Variants in TPX2 observed in about 807,000 individuals in gnomAD.
TPX2 encodes targeting protein for Xklp2.
In TPX2, 21 loss-of-function variants were observed where a neutral mutation model predicts 93.6. That is an observed-to-expected ratio of 0.22 (90% CI 0.16 to 0.32). TPX2 has a LOEUF of 0.32. Among genes scored for constraint, TPX2 ranks in the 10% least tolerant of loss-of-function variants. The pLI is 1.00. For missense variants in TPX2, 776 were observed against 871.1 expected (o/e 0.89, Z 1.37); for synonymous variants, 281 against 298.3 (o/e 0.94, Z 0.60).
intron 7 of TPX2, among the ~76,000 whole-genome samples, chr20:31,774,214 A>C (rs991892194): frequency 3.3e-5 from 5 of 152,172 alleles, no homozygotes; most frequent in Admixed American, 1.3e-4. Context: ...GATATCCTCC[A>C]CCCTGTGCAG....
At chr20:31,786,532 T>C (rs745406042) in intron 12 of TPX2, among the ~76,000 whole-genome samples, 2 of 151,998 alleles carry the variant, frequency 1.3e-5, no homozygotes, top group Non-Finnish European at 2.9e-5. Context: ...GCCTCCTGAG[T>C]AGCTGGGAAT....
At chr20:31,744,455 C>T (rs1004062629) in intron 2 of TPX2, among the ~76,000 whole-genome samples, 12 of 151,992 alleles carry the variant, frequency 7.9e-5, no homozygotes, top group South Asian at 2.1e-4. Context: ...CCACGCCCGG[C>T]CTCTAATTTT....
At chr20:31,799,259 T>C (rs1355156158) in intron 17 of TPX2, among the ~76,000 whole-genome samples, 2 of 152,110 alleles carry the variant, frequency 1.3e-5, no homozygotes, top group African/African-American at 4.8e-5. Flanking sequence ...AAGCAGACAG[T>C]TTTAGATGGA....
At chr20:31,797,703 G>A (rs990254482) in intron 16 of TPX2, among the ~76,000 whole-genome samples, 188 bp downstream of exon 16, 2 of 152,166 alleles carry the variant, frequency 1.3e-5, no homozygotes, top group Non-Finnish European at 2.9e-5. Flanking sequence ...TTGAGTTGCA[G>A]GATGTGTTAG....
chr20:31,801,105 G>A lies in TPX2; in HGVS notation c.*25G>A, dbSNP rs200016903. 14 of 1,596,900 alleles carry A rather than the reference G, an allele frequency of 8.8e-6. No individual in the cohort carries two copies. The highest frequency in any genetic ancestry group is 6.7e-5 in the Admixed American group (4 of 59,976). ...AACTCAGCTGTGAGCTGCGGATACCGCCCGGCAATGGGACCTGCTCTTAAC... is the reference window on the plus strand; with the variant it reads ...AACTCAGCTGTGAGCTGCGGATACCACCCGGCAATGGGACCTGCTCTTAAC... On this transcript the variant is annotated 3_prime_UTR_variant, in exon 18 of 18. Transcript: ENST00000300403.
At chr20:31,742,199 A>G (rs1162964690) in intron 1 of TPX2, among the ~76,000 whole-genome samples, 1 of 141,340 alleles carries the variant, frequency 7.1e-6, no homozygotes, top group East Asian at 2.0e-4. Flanking sequence ...TTTTTGAGAC[A>G]GTCTCACTGT....
chr20:31,770,294 T>G (rs1193677476), intron 5 of TPX2, 49 bp from the exon 6 acceptor site: 1 of 1,245,802 alleles, frequency 8.0e-7, no homozygotes, highest in African/African-American at 1.6e-5. Flanking sequence ...CATTTGGATA[T>G]CTGTAGTATA....
intron 7 of TPX2, among the ~76,000 whole-genome samples, chr20:31,773,643 C>T (rs1186682697): frequency 1.3e-5 from 2 of 152,068 alleles, no homozygotes; most frequent in Non-Finnish European, 2.9e-5. Flanking sequence ...ATCTCATCTG[C>T]ATTGTTTATT....
intron 3 of TPX2, among the ~76,000 whole-genome samples, chr20:31,758,760 G>A (rs894628650): frequency 6.6e-5 from 10 of 152,182 alleles, no homozygotes; most frequent in African/African-American, 2.4e-4. Context: ...TCTGTTGGAA[G>A]TGGTGTGGGA....
At chr20:31,757,033 GAT>G (rs2061856375) in intron 2 of TPX2, among the ~76,000 whole-genome samples, 1 of 152,028 alleles carries the variant, frequency 6.6e-6, no homozygotes, top group South Asian at 2.1e-4. Flanking sequence ...ACTACTTACA[GAT>G]AATTTTTATC....
intron 8 of TPX2, among the ~76,000 whole-genome samples, chr20:31,776,324 C>T (rs1417634128): frequency 6.6e-6 from 1 of 151,866 alleles, no homozygotes; most frequent in African/African-American, 2.4e-5. Context: ...TCATGATCCA[C>T]CCGCCTCGGC....
At position 31,771,652 on chromosome 20, in the gene TPX2, G is replaced by A; in HGVS notation, c.578G>A (p.Arg193Lys). The change falls in exon 7 of 18, where the codon AGA (arginine) becomes AAA (lysine). Residue 193 changes from arginine to lysine, a missense_variant. Physicochemically the swap from Arg to Lys is conservative, Grantham distance 26 (BLOSUM62 2). This residue lies in a region of TPX2 where 279 missense variants were observed against 261.6 expected (regional missense o/e 1.07). Transcript: ENST00000300403. The part of the protein sequence containing the change: ...NASSPEKAKG[R>K]HTVPCMPPAK... ...TCTTCCCCAGAGAAAGCCAAGGGTA[G>A]ACATACTGTGCCTTGTATGCCACCT... is the stretch of plus-strand genomic sequence containing the variant. 6.2e-7 allele frequency: 1 copy of A among 1,613,390 alleles called. No homozygotes were observed. The highest frequency in any genetic ancestry group is 8.5e-7 in the Non-Finnish European group (1 of 1,179,786).
At chr20:31,743,726 GTTTTT>G (rs557157321) in intron 2 of TPX2, among the ~76,000 whole-genome samples, 1 of 134,626 alleles carries the variant, frequency 7.4e-6, no homozygotes, top group Non-Finnish European at 1.6e-5. Context: ...TACAGATGCA[GTTTTT>G]TTTTTTTTTT....
chr20:31,766,895 G>A (rs1047601192), intron 5 of TPX2, among the ~76,000 whole-genome samples: 7 of 147,218 alleles, frequency 4.8e-5, no homozygotes, highest in Non-Finnish European at 1.0e-4. Context: ...CTGCCCCACC[G>A]TGTTCAAGCA....
intron 9 of TPX2, 112 bp downstream of exon 9, chr20:31,777,750 G>A: frequency 8.9e-7 from 1 of 1,119,014 alleles, no homozygotes; most frequent in South Asian, 2.0e-5. Context: ...AAAACCTTGT[G>A]TCTATAAAGT....
At chr20:31,759,556 C>T (rs941450689) in intron 3 of TPX2, among the ~76,000 whole-genome samples, 4 of 151,954 alleles carry the variant, frequency 2.6e-5, no homozygotes, top group Non-Finnish European at 2.9e-5. Context: ...TGTGCCACCA[C>T]GCCTGGCTAA....
chr20:31,763,910 TCGGGAGG>T, intron 4 of TPX2, among the ~76,000 whole-genome samples: 2 of 151,290 alleles, frequency 1.3e-5, no homozygotes, highest in African/African-American at 4.9e-5. Flanking sequence ...TCCCAGCTAC[TCGGGAGG>T]CTGAGGTAGG....
intron 7 of TPX2, 123 bp from the exon 8 acceptor site, chr20:31,775,743 AT>A: frequency 3.1e-6 from 3 of 965,248 alleles, no homozygotes; most frequent in Non-Finnish European, 2.7e-6. Flanking sequence ...ATTAGATGAT[AT>A]TTTTTGGTTT....
In TPX2 at chr20:31,797,452, C is replaced by T. The variant is rs1413281959; in HGVS notation, c.1882C>T (p.Arg628Cys). The change falls in exon 16 of 18, where the codon CGT becomes TGT. Residue 628 changes from arginine to cysteine, a missense_variant. Physicochemically the swap from Arg to Cys is radical, Grantham distance 180. Coordinates refer to ENST00000300403, the MANE Select transcript of TPX2 (RefSeq NM_012112.5). Reference sequence around the variant, plus strand: ...GAAAGAAGCAGCTTGTTTCAAGGCTCGTCCAAACACCGTCATCTCTCAGGA... The same window carrying T: ...GAAAGAAGCAGCTTGTTTCAAGGCTTGTCCAAACACCGTCATCTCTCAGGA... ...QQKEAACFKA[R>C]PNTVISQEPF... 7 of 1,613,892 alleles carry T rather than the reference C, an allele frequency of 4.3e-6. No homozygotes were observed. Among genetic ancestry groups the T allele is most frequent in the African/African-American group, 4.0e-5 (3 of 74,902 alleles).
Sources: gnomAD v4.1 joint callset for allele counts (sites outside exome capture counted in the v4.1 genomes callset) on GRCh38, gnomAD v4.1.1 for gene constraint, gnomAD v4.1.1 regional missense constraint, MANE v1.5 for transcripts, NCBI Gene and HGNC (gene_info 2026-07-23, HGNC 2026-07-21) for gene names.